ELAPOR2: variants seen among roughly 807,000 people sequenced by gnomAD.
ELAPOR2 encodes the protein endosome-lysosome associated apoptosis and autophagy regulator family member 2, also known as endosome/lysosome-associated apoptosis and autophagy regulator family member 2.
In ELAPOR2, 89 loss-of-function variants were observed where a neutral mutation model predicts 120.7. The observed-to-expected ratio is 0.74, with a 90% confidence interval of 0.62 to 0.88. The LOEUF (loss-of-function observed/expected upper bound fraction) is 0.88. Among genes scored for constraint, ELAPOR2 ranks in the 40% least tolerant of loss-of-function variants. ELAPOR2 has a pLI of 0.00. For synonymous variants in ELAPOR2, 444 were observed against 444.9 expected (o/e 1.00, Z 0.03); for missense variants, 1,134 against 1,251.6 (o/e 0.91, Z 1.42).
intron 1 of ELAPOR2, among the ~76,000 whole-genome samples, chr7:87,045,846 T>G (rs1296045028): frequency 6.6e-6 from 1 of 151,912 alleles, no homozygotes; most frequent in East Asian, 1.9e-4. Flanking sequence ...ACAGCTAGTA[T>G]CATACCAAAT....
chr7:86,929,785 T>A (rs1256430331), intron 8 of ELAPOR2, among the ~76,000 whole-genome samples: 1 of 151,848 alleles, frequency 6.6e-6, no homozygotes. Flanking sequence ...GGTGATTAGG[T>A]CATGGGGGCA....
chr7:87,041,421 T>G lies in ELAPOR2; in HGVS notation c.189+17904A>C, dbSNP rs181520132. ...CAGACTAACAGCGGATCTCTCGGCA[T>G]AAACCCTACGAGCCAGAAGAGAGTG... On this transcript the variant is annotated intron_variant, in intron 1 of 21. Transcript: ENST00000450689. Among the ~76,000 whole-genome samples, 1,159 of 151,216 alleles carry G rather than the reference T, an allele frequency of 7.7e-3. 8 individuals are homozygous for G. The highest frequency in any genetic ancestry group is 0.017 in the African/African-American group (680 of 40,558).
At chr7:86,898,682 GC>G (rs1788564635) in intron 18 of ELAPOR2, among the ~76,000 whole-genome samples, 1 of 151,898 alleles carries the variant, frequency 6.6e-6, no homozygotes, top group African/African-American at 2.4e-5. Flanking sequence ...AGAAATTCCT[GC>G]AAAGGAATGA....
At chr7:86,913,282 C>T in intron 13 of ELAPOR2, 78 bp from the exon 14 acceptor site, 2 of 1,386,874 alleles carry the variant, frequency 1.4e-6, no homozygotes, top group African/African-American at 2.9e-5. Flanking sequence ...CTGTTGACAT[C>T]ATCAAAATAA....
intron 1 of ELAPOR2, among the ~76,000 whole-genome samples, chr7:86,978,978 C>T (rs1792371036): frequency 6.6e-6 from 1 of 152,104 alleles, no homozygotes; most frequent in Non-Finnish European, 1.5e-5. Flanking sequence ...CTTTTGAAAC[C>T]ACATCAAAAG....
At chr7:86,880,677 G>A (rs1584295197) in intron 21 of ELAPOR2, 147 bp from the exon 22 acceptor site, 1 of 606,750 alleles carries the variant, frequency 1.6e-6, no homozygotes, top group Non-Finnish European at 2.9e-6. Flanking sequence ...AAAATTGGGT[G>A]GCAGATATAA....
chr7:86,988,391 A>T (rs963912273), intron 1 of ELAPOR2, among the ~76,000 whole-genome samples: 6 of 152,024 alleles, frequency 3.9e-5, no homozygotes, highest in Non-Finnish European at 7.4e-5. Flanking sequence ...CAGTAAAAAA[A>T]TGCAAATAAA....
At chr7:87,057,692 C>T (rs1332329030) in intron 1 of ELAPOR2, among the ~76,000 whole-genome samples, 1 of 152,146 alleles carries the variant, frequency 6.6e-6, no homozygotes, top group Non-Finnish European at 1.5e-5. Flanking sequence ...AGGTTGCAGA[C>T]TCTTCTTTCT....
At chr7:86,886,047 TC>T (rs1364850168) in intron 21 of ELAPOR2, among the ~76,000 whole-genome samples, 2 of 152,046 alleles carry the variant, frequency 1.3e-5, no homozygotes, top group East Asian at 1.9e-4. Flanking sequence ...ATAAATTAGG[TC>T]CTTTTGGTGT....
intron 1 of ELAPOR2, among the ~76,000 whole-genome samples, chr7:86,996,027 A>C (rs1252906980): frequency 2.0e-5 from 3 of 152,210 alleles, no homozygotes; most frequent in Non-Finnish European, 4.4e-5. Context: ...ACCTTAACAC[A>C]ATGAAGCCAG....
intron 1 of ELAPOR2, among the ~76,000 whole-genome samples, chr7:86,987,389 T>C (rs4727132): frequency 0.38 from 57,519 of 151,906 alleles, 11,741 homozygotes; most frequent in African/African-American, 0.53. Flanking sequence ...CAAAAGAAGC[T>C]ACCATCAGAG....
chr7:86,935,594 G>A (rs1345841857), intron 8 of ELAPOR2, among the ~76,000 whole-genome samples: 1 of 151,816 alleles, frequency 6.6e-6, no homozygotes, highest in Non-Finnish European at 1.5e-5. Context: ...AGAATTACCC[G>A]GGACCTTCCT....
chr7:87,030,438 GA>G (rs1237565324), intron 1 of ELAPOR2, among the ~76,000 whole-genome samples: 3 of 148,418 alleles, frequency 2.0e-5, no homozygotes, highest in African/African-American at 7.4e-5. Flanking sequence ...CCCACCAAAA[GA>G]AAAAAAAAGA....
chr7:86,959,489 G>A (rs907501577), intron 2 of ELAPOR2, among the ~76,000 whole-genome samples: 1 of 152,096 alleles, frequency 6.6e-6, no homozygotes, highest in African/African-American at 2.4e-5. Flanking sequence ...ACTGTGTTGA[G>A]GTAATTTCCT....
At position 86,929,664 on chromosome 7, in the gene ELAPOR2, C is replaced by G. The variant is rs574844668; in HGVS notation, c.1090-2748G>C. On this transcript the variant is annotated intron_variant, in intron 8 of 21. Transcript: ENST00000450689. The stretch of plus-strand genomic sequence containing the variant: ...TCTATGACGGCTTTGCTGCTTTTCT[C>G]TTTTCCCATGTGTTTACCTCCTTCT... Among the ~76,000 whole-genome samples, 7 of 152,074 alleles carry G rather than the reference C, an allele frequency of 4.6e-5. No individual in the cohort carries two copies. The East Asian group carries it at 9.7e-4, about 21-fold the overall frequency.
intron 1 of ELAPOR2, among the ~76,000 whole-genome samples, chr7:86,993,503 A>C (rs1471387457): frequency 6.6e-6 from 1 of 152,180 alleles, no homozygotes; most frequent in Non-Finnish European, 1.5e-5. Flanking sequence ...GAGGAAGAGA[A>C]TTAGCCATCT....
intron 15 of ELAPOR2, among the ~76,000 whole-genome samples, chr7:86,910,451 A>G (rs1262149682): frequency 2.0e-5 from 3 of 152,118 alleles, no homozygotes; most frequent in Admixed American, 6.6e-5. Context: ...GGTAATGTGA[A>G]GGCTAAAGAA....
chr7:86,879,019 T>C lies in ELAPOR2; in HGVS notation c.*1452A>G, dbSNP rs890473153. On this transcript the variant is annotated 3_prime_UTR_variant, in exon 22 of 22. Coordinates refer to ENST00000450689, the MANE Select transcript of ELAPOR2 (RefSeq NM_001142749.3). ...CTTCAGACACAAAAGTTACAAGTCATACTTCATTGGAATGCTTGGGGCAAA... is the reference window on the plus strand; with the variant it reads ...CTTCAGACACAAAAGTTACAAGTCACACTTCATTGGAATGCTTGGGGCAAA... 2 of 152,178 alleles carry C rather than the reference T, an allele frequency of 1.3e-5. No individual in the cohort carries two copies. Among genetic ancestry groups the C allele is most frequent in the African/African-American group, 4.8e-5 (2 of 41,454 alleles). The allele number at this position is 152,178 out of a possible 1,614,324, so 9.4% of individuals were successfully genotyped here.
chr7:86,999,822 G>C (rs1793252556), intron 1 of ELAPOR2, among the ~76,000 whole-genome samples: 1 of 152,080 alleles, frequency 6.6e-6, no homozygotes. Flanking sequence ...ATGGCATAAA[G>C]CACTAAGGAT....
Sources: gnomAD v4.1 joint callset for allele counts (sites outside exome capture counted in the v4.1 genomes callset) on GRCh38, gnomAD v4.1.1 for gene constraint, MANE v1.5 for transcripts, NCBI Gene and HGNC (gene_info 2026-07-23, HGNC 2026-07-21) for gene names.